PAFAH1B2: variants seen among roughly 807,000 people sequenced by gnomAD.
PAFAH1B2 encodes the protein platelet-activating factor acetylhydrolase IB subunit alpha2.
In PAFAH1B2, 8 loss-of-function variants were observed where a neutral mutation model predicts 28.0. That is an observed-to-expected ratio of 0.29 (90% CI 0.17 to 0.52). The LOEUF (loss-of-function observed/expected upper bound fraction) is 0.52, where lower values mean the gene tolerates loss of function less well. PAFAH1B2 is among the 20% of genes least tolerant of loss of function. The probability of loss-of-function intolerance (pLI) is 0.97; values close to 1 mark genes in which losing one functional copy is unlikely to be tolerated. For missense variants in PAFAH1B2, 190 were observed against 282.6 expected (o/e 0.67, Z 2.35); for synonymous variants, 104 against 103.2 (o/e 1.01, Z -0.05).
intron 1 of PAFAH1B2, 35 bp downstream of exon 1, chr11:117,144,453 T>G (rs1363136001): frequency 1.4e-5 from 4 of 282,794 alleles, no homozygotes; most frequent in Non-Finnish European, 7.7e-6. Context: ...AACCGGTGGC[T>G]TAGAGGCGGG....
At chr11:117,167,359 T>C (rs1007005485) in intron 5 of PAFAH1B2, 62 bp from the exon 6 acceptor site, 27 of 1,455,174 alleles carry the variant, frequency 1.9e-5, no homozygotes, top group Admixed American at 4.7e-5. Flanking sequence ...TCTGAAGTTA[T>C]AAATAATAAG....
intron 1 of PAFAH1B2, among the ~76,000 whole-genome samples, chr11:117,148,422 T>G (rs1956066430): frequency 6.6e-6 from 1 of 152,174 alleles, no homozygotes; most frequent in South Asian, 2.1e-4. Context: ...AGTCTGTCAC[T>G]CTGGTTTCAA....
At position 117,169,159 on chromosome 11, in the gene PAFAH1B2, C is replaced by G; in HGVS notation, c.*1460C>G. 9.7e-7 allele frequency: 1 copy of G among 1,027,114 alleles called. No homozygotes were observed. The highest frequency in any genetic ancestry group is 1.2e-6 in the Non-Finnish European group (1 of 855,096). 63.6% of individuals were successfully genotyped at this position (1,027,114 alleles called of 1,614,324 possible). A position where few individuals can be genotyped will look rare whatever the true frequency, so the allele number is the denominator to read the frequency against. On this transcript the variant is annotated 3_prime_UTR_variant, in exon 6 of 6. Transcript: ENST00000527958. Reference sequence around the variant, plus strand: ...TTTTTCTGTGGGGAAACAAGTGAAGCTGCTCTTCAGCATAGACACTACCTT... The same window carrying G: ...TTTTTCTGTGGGGAAACAAGTGAAGGTGCTCTTCAGCATAGACACTACCTT...
chr11:117,167,995 GACA>G lies in PAFAH1B2; in HGVS notation c.*300_*302del. On this transcript the variant is annotated 3_prime_UTR_variant, in exon 6 of 6. Transcript: ENST00000527958. ...TGAATTATTATCACTGTTTTCTTGG[GACA>G]ACATCAAGCCTAAATACTGAACAAT... is the stretch of plus-strand genomic sequence containing the variant. 1 of 1,082,892 alleles carries G rather than the reference GACA, an allele frequency of 9.2e-7. No individual in the cohort carries two copies. 67.1% of individuals were successfully genotyped at this position (1,082,892 alleles called of 1,614,324 possible).
At chr11:117,172,237 A>G (rs2134230030), downstream of PAFAH1B2, among the ~76,000 whole-genome samples, 1 of 151,982 alleles carries the variant, frequency 6.6e-6, no homozygotes, top group East Asian at 1.9e-4. Context: ...ACCCAATGAC[A>G]TGTTTTTACA....
At chr11:117,172,120 G>GA (rs1324901056), downstream of PAFAH1B2, among the ~76,000 whole-genome samples, 1 of 151,962 alleles carries the variant, frequency 6.6e-6, no homozygotes, top group East Asian at 1.9e-4. Flanking sequence ...GTGGAAGAAA[G>GA]AAAAAGCTCC....
downstream of PAFAH1B2, chr11:117,175,905 G>T (rs902405924): frequency 7.5e-5 from 115 of 1,535,720 alleles, no homozygotes; most frequent in Non-Finnish European, 9.8e-5. Flanking sequence ...TAATGTTTCA[G>T]ATTATTTACT....
Position 117,169,264 on chromosome 11 carries a change from G to C in PAFAH1B2, c.*1565G>C, listed in dbSNP as rs1956590582. ...AATGTACTTCATCTGAGAATTTGTTGATCTTAATGTTCGAGCTATATAAGA... is the reference window on the plus strand; with the variant it reads ...AATGTACTTCATCTGAGAATTTGTTCATCTTAATGTTCGAGCTATATAAGA... On this transcript the variant is annotated 3_prime_UTR_variant, in exon 6 of 6. Transcript: ENST00000527958. The C allele has an allele frequency of 1.9e-6, 2 of 1,038,376 alleles. No individual in the cohort carries two copies. The highest frequency in any genetic ancestry group is 2.3e-6 in the Non-Finnish European group (2 of 862,380). The allele number at this position is 1,038,376 out of a possible 1,614,324, so 64.3% of individuals were successfully genotyped here.
At chr11:117,175,426 C>G, downstream of PAFAH1B2, 1 of 1,053,272 alleles carries the variant, frequency 9.5e-7, no homozygotes, top group Non-Finnish European at 1.1e-6. Flanking sequence ...GACCTGGGAA[C>G]AGCAAGAAAA....
At chr11:117,155,544 GT>G (rs1160073554) in intron 2 of PAFAH1B2, among the ~76,000 whole-genome samples, 1 of 152,088 alleles carries the variant, frequency 6.6e-6, no homozygotes, top group Non-Finnish European at 1.5e-5. Flanking sequence ...TCTAATTCAG[GT>G]TCAAGTACAG....
At chr11:117,155,108 A>G (rs111966029) in intron 2 of PAFAH1B2, among the ~76,000 whole-genome samples, 2,156 of 152,240 alleles carry the variant, frequency 0.014, 45 homozygotes, top group African/African-American at 0.046. Context: ...ACCCACCTCC[A>G]TGCCCGGCTA....
intron 4 of PAFAH1B2, among the ~76,000 whole-genome samples, chr11:117,162,350 A>T (rs936163868): frequency 7.9e-5 from 12 of 151,980 alleles, no homozygotes; most frequent in South Asian, 2.1e-4. Context: ...TATGTTGCCT[A>T]GGCTGGTGTC....
At position 117,169,117 on chromosome 11, in the gene PAFAH1B2, T is replaced by C; in HGVS notation, c.*1418T>C. On this transcript the variant is annotated 3_prime_UTR_variant, in exon 6 of 6. Transcript: ENST00000527958. Reference sequence around the variant, plus strand: ...TATTGGCTTAGTTTTTAAATTATCCTCCAAAAATTTTGGGCCTTTTTCTGT... The same window carrying C: ...TATTGGCTTAGTTTTTAAATTATCCCCCAAAAATTTTGGGCCTTTTTCTGT... 9.8e-7 allele frequency: 1 copy of C among 1,022,216 alleles called. No homozygotes were observed. Among genetic ancestry groups the C allele is most frequent in the African/African-American group, 1.7e-5 (1 of 58,762 alleles). The allele number at this position is 1,022,216 out of a possible 1,614,324, so 63.3% of individuals were successfully genotyped here. A position where few individuals can be genotyped will look rare whatever the true frequency, so the allele number is the denominator to read the frequency against.
chr11:117,169,675 C>G lies in PAFAH1B2; in HGVS notation c.*1976C>G. On this transcript the variant is annotated 3_prime_UTR_variant, in exon 6 of 6. Transcript: ENST00000527958. ...GAAAATCCACATGGTGTTTACTAAA[C>G]TTGTTTACGACATTAAAAATTTCCT... is the stretch of plus-strand genomic sequence containing the variant. 1 of 1,054,236 alleles carries G rather than the reference C, an allele frequency of 9.5e-7. No individual in the cohort carries two copies. The highest frequency in any genetic ancestry group is 1.1e-6 in the Non-Finnish European group (1 of 871,898). The allele number at this position is 1,054,236 out of a possible 1,614,324, so 65.3% of individuals were successfully genotyped here. A position where few individuals can be genotyped will look rare whatever the true frequency, so the allele number is the denominator to read the frequency against.
chr11:117,167,397 T>G (rs761623568), intron 5 of PAFAH1B2, 24 bp from the exon 6 acceptor site: 1 of 1,523,512 alleles, frequency 6.6e-7, no homozygotes, highest in Non-Finnish European at 8.8e-7. Flanking sequence ...ATCTTCTAAT[T>G]TAATGTTTTC....
chr11:117,167,832 A>G lies in PAFAH1B2; in HGVS notation c.*133A>G, dbSNP rs1412800832. ...CTGGATGTTCATATCTAGTGTTTGA[A>G]GGGGAGGAGGGATTTAAACTGGTCC... On this transcript the variant is annotated 3_prime_UTR_variant, in exon 6 of 6. Transcript: ENST00000527958. 7.8e-7 allele frequency: 1 copy of G among 1,279,308 alleles called. No homozygotes were observed. Among genetic ancestry groups the G allele is most frequent in the Non-Finnish European group, 9.9e-7 (1 of 1,006,418 alleles). 79.2% of individuals were successfully genotyped at this position (1,279,308 alleles called of 1,614,324 possible).
downstream of PAFAH1B2, among the ~76,000 whole-genome samples, chr11:117,173,449 C>T (rs1022980593): frequency 2.0e-5 from 3 of 152,218 alleles, no homozygotes; most frequent in Admixed American, 6.5e-5. Context: ...GCTCAGAAAG[C>T]TCAAGTGGTT....
At chr11:117,175,098 G>A (rs2029899819), downstream of PAFAH1B2, 1 of 1,260,568 alleles carries the variant, frequency 7.9e-7, no homozygotes, top group Non-Finnish European at 1.0e-6. Context: ...GCTCAGGAAG[G>A]GTGGTCCACA....
At chr11:117,156,780 T>A (rs935464545) in intron 2 of PAFAH1B2, among the ~76,000 whole-genome samples, 3 of 152,024 alleles carry the variant, frequency 2.0e-5, no homozygotes, top group Admixed American at 1.3e-4. Flanking sequence ...CTCAGCACCT[T>A]GGGAGGCAGA....
Sources: allele counts gnomAD v4.1 joint callset (sites outside exome capture counted in the v4.1 genomes callset), GRCh38; gene constraint gnomAD v4.1.1; transcripts MANE v1.5; gene names NCBI Gene and HGNC (gene_info 2026-07-23, HGNC 2026-07-21).